Variants in TAFA5 observed in about 807,000 individuals in gnomAD.
The protein encoded by TAFA5 is TAFA chemokine like family member 5.
Under a neutral mutation model 15.3 loss-of-function variants are expected in TAFA5, and 6 were observed. The observed-to-expected ratio is 0.39, with a 90% CI of 0.21 to 0.77. The LOEUF (loss-of-function observed/expected upper bound fraction) is 0.77. Ranked by LOEUF, TAFA5 falls within the 30% of genes least tolerant of loss-of-function variation. TAFA5 has a pLI of 0.41. For missense variants in TAFA5, 161 were observed against 193.1 expected, an observed-to-expected ratio of 0.83 and a Z score of 0.98; for synonymous variants, 103 against 80.7, an observed-to-expected ratio of 1.28 and a Z score of -1.48.
rs916805194 is a variant in TAFA5, at chr22:48,750,044, G to A, written c.*197G>A. On this transcript the variant is annotated 3_prime_UTR_variant, in exon 4 of 4. Coordinates refer to ENST00000402357, the MANE Select transcript of TAFA5 (RefSeq NM_001082967.3). ...TCTGTCCAGCCGACCCGAGGAGGCC[G>A]GACTCAGACACATAGGCGGGGGGCG... 2.3e-5 allele frequency: 14 copies of A among 610,652 alleles called. No homozygotes were observed. Among genetic ancestry groups the A allele is most frequent in the East Asian group, 1.9e-4 (7 of 35,902 alleles). 37.8% of individuals were successfully genotyped at this position (610,652 alleles called of 1,614,324 possible).
rs907864270 is a variant in TAFA5, at chr22:48,560,272, G to C, written c.112+70568G>C. 6.6e-6 allele frequency among the ~76,000 whole-genome samples: 1 copy of C among 152,230 alleles called. No individual in the cohort carries two copies. ...CGTGCGCCCAGGCTGGTGCCGTCAGGCTCCCGGCATTGGTGCACCCCGGCA... is the reference window on the plus strand; with the variant it reads ...CGTGCGCCCAGGCTGGTGCCGTCAGCCTCCCGGCATTGGTGCACCCCGGCA... On this transcript the variant is annotated intron_variant, in intron 1 of 3. Coordinates refer to ENST00000402357, the MANE Select transcript of TAFA5 (RefSeq NM_001082967.3). This position sits in a 1 kb window ranked among gnomAD's most constrained non-coding sequence, Gnocchi z 4.2.
At chr22:48,692,033 G>A (rs562889175) in intron 2 of TAFA5, among the ~76,000 whole-genome samples, 46 of 152,040 alleles carry the variant, frequency 3.0e-4, no homozygotes, top group African/African-American at 5.1e-4. Flanking sequence ...CCTCCTTCCT[G>A]TCCCCAATCA....
chr22:48,721,403 T>C (rs907282582), intron 3 of TAFA5, among the ~76,000 whole-genome samples: 12 of 152,212 alleles, frequency 7.9e-5, no homozygotes, highest in African/African-American at 2.7e-4. Context: ...GCCCGTCCAC[T>C]GTGTGTGATC....
At chr22:48,653,645 G>C (rs372172172) in intron 2 of TAFA5, among the ~76,000 whole-genome samples, 4 of 152,226 alleles carry the variant, frequency 2.6e-5, no homozygotes, top group African/African-American at 9.6e-5. Context: ...GTTCCTTCCA[G>C]ATCTCGGTGC....
chr22:48,577,323 A>G (rs1191145387), intron 1 of TAFA5, among the ~76,000 whole-genome samples: 1 of 152,150 alleles, frequency 6.6e-6, no homozygotes, highest in Non-Finnish European at 1.5e-5. Context: ...CAGGCACCCC[A>G]GACACACTCC....
At chr22:48,561,735 C>T (rs532816347) in intron 1 of TAFA5, among the ~76,000 whole-genome samples, 140 of 152,268 alleles carry the variant, frequency 9.2e-4, no homozygotes, top group African/African-American at 3.2e-3. Context: ...CCCCAGGTGT[C>T]GAAAAATCAA....
At chr22:48,731,797 T>C (rs950489148) in intron 3 of TAFA5, among the ~76,000 whole-genome samples, 3 of 152,242 alleles carry the variant, frequency 2.0e-5, no homozygotes, top group Admixed American at 1.3e-4. Context: ...ATGAATGCTG[T>C]GTTCATGCTG....
intron 3 of TAFA5, among the ~76,000 whole-genome samples, chr22:48,735,936 TCG>T: frequency 6.9e-6 from 1 of 144,268 alleles, no homozygotes; most frequent in African/African-American, 2.6e-5. Context: ...GGAATGAGAA[TCG>T]CACTCCTAGA....
Position 48,637,199 on chromosome 22 carries a change from C to T in TAFA5, c.113-9398C>T, listed in dbSNP as rs542118664. Among the ~76,000 whole-genome samples, 89 of 152,254 alleles carry T rather than the reference C, an allele frequency of 5.8e-4. 1 individual carries two copies. Among genetic ancestry groups the T allele is most frequent in the Non-Finnish European group, 1.1e-3 (73 of 68,020 alleles). ...CCTGTGGGGGCCTCTTGAACAGGGCCGTGGCTCCTGGTGCGTGCCTGTGTG... is the reference window on the plus strand; with the variant it reads ...CCTGTGGGGGCCTCTTGAACAGGGCTGTGGCTCCTGGTGCGTGCCTGTGTG... On this transcript the variant is annotated intron_variant, in intron 1 of 3. Transcript: ENST00000402357.
Position 48,650,797 on chromosome 22 carries a change from C to T in TAFA5, c.262+4051C>T, listed in dbSNP as rs78127222. On this transcript the variant is annotated intron_variant, in intron 2 of 3. Coordinates refer to ENST00000402357, the MANE Select transcript of TAFA5 (RefSeq NM_001082967.3). ...CATCCTTACACACAGTATCAGCCACCGAGCCTCCCCTCCCCCAGGGCTGCC... is the reference window on the plus strand; with the variant it reads ...CATCCTTACACACAGTATCAGCCACTGAGCCTCCCCTCCCCCAGGGCTGCC... Among the ~76,000 whole-genome samples, 402 of 150,534 alleles carry T rather than the reference C, an allele frequency of 2.7e-3. 13 individuals are homozygous for T. In the East Asian group the frequency reaches 0.062, roughly 23 times the overall value.
intron 1 of TAFA5, among the ~76,000 whole-genome samples, chr22:48,575,765 A>G (rs1166270004): frequency 7.0e-6 from 1 of 141,966 alleles, no homozygotes. Flanking sequence ...GGGCCGCGCA[A>G]GTTCGATCGC....
intron 2 of TAFA5, among the ~76,000 whole-genome samples, chr22:48,703,021 A>G (rs146935701): frequency 6.6e-6 from 1 of 152,370 alleles, no homozygotes; most frequent in African/African-American, 2.4e-5. Flanking sequence ...GCGAGAGTGT[A>G]CATGTGGGTG....
intron 2 of TAFA5, among the ~76,000 whole-genome samples, chr22:48,707,101 C>T (rs1283960424): frequency 1.3e-5 from 2 of 152,052 alleles, no homozygotes; most frequent in South Asian, 4.2e-4. Flanking sequence ...ATCCTTTAAT[C>T]TTGGAGGCTT....
intron 3 of TAFA5, among the ~76,000 whole-genome samples, chr22:48,747,393 C>T (rs1044412348): frequency 6.6e-6 from 1 of 152,160 alleles, no homozygotes; most frequent in African/African-American, 2.4e-5. Context: ...CTTCAGGGAG[C>T]AGCCCCAGGA....
intron 1 of TAFA5, chr22:48,546,578 G>T: frequency 2.1e-6 from 1 of 471,224 alleles, no homozygotes; most frequent in Non-Finnish European, 4.4e-6. Context: ...AGCAAGGGAT[G>T]TGCATCCAGC....
chr22:48,630,977 A>T (rs1481717181), intron 1 of TAFA5, among the ~76,000 whole-genome samples: 1 of 152,082 alleles, frequency 6.6e-6, no homozygotes, highest in Non-Finnish European at 1.5e-5. Flanking sequence ...GGACAGGGGA[A>T]CTCGGCGTGT....
chr22:48,694,764 C>T (rs961403058), intron 2 of TAFA5, among the ~76,000 whole-genome samples: 13 of 150,394 alleles, frequency 8.6e-5, no homozygotes, highest in East Asian at 2.0e-4. Context: ...GGCTGCCCAC[C>T]GCTCAGACCT....
At chr22:48,500,821 G>A (rs1041449170) in intron 1 of TAFA5, among the ~76,000 whole-genome samples, 3 of 152,248 alleles carry the variant, frequency 2.0e-5, no homozygotes, top group African/African-American at 7.2e-5. Context: ...GACTCAGGAG[G>A]TGGGGATGGG....
chr22:48,616,981 G>A (rs1024307216), intron 1 of TAFA5, among the ~76,000 whole-genome samples: 9 of 152,286 alleles, frequency 5.9e-5, no homozygotes, highest in Non-Finnish European at 1.2e-4. Flanking sequence ...ATTGTTGGGC[G>A]AGAAACAAAA....
Sources: allele counts gnomAD v4.1 joint callset (sites outside exome capture counted in the v4.1 genomes callset), GRCh38; gene constraint gnomAD v4.1.1; non-coding constraint Gnocchi (gnomAD v3.1); transcripts MANE v1.5; gene names NCBI Gene and HGNC (gene_info 2026-07-23, HGNC 2026-07-21).